The following BMPR2 variants were observed in gnomAD, a reference collection of about 807,000 sequenced individuals.
BMPR2 encodes the protein bone morphogenetic protein receptor type 2.
A neutral mutation model predicts 100.8 loss-of-function variants in BMPR2; 29 were observed. The observed-to-expected ratio is 0.29, with a 90% CI of 0.21 to 0.39. The LOEUF (loss-of-function observed/expected upper bound fraction) is 0.39, where lower values mean the gene tolerates loss of function less well. Among genes scored for constraint, BMPR2 ranks in the 10% least tolerant of loss-of-function variants. The probability of loss-of-function intolerance (pLI) is 1.00; values close to 1 mark genes in which losing one functional copy is unlikely to be tolerated. For missense variants in BMPR2, 1,011 were observed against 1,274.5 expected, an observed-to-expected ratio of 0.79 and a Z score of 3.15; for synonymous variants, 382 against 442.3, an observed-to-expected ratio of 0.86 and a Z score of 1.71.
intron 1 of BMPR2, among the ~76,000 whole-genome samples, chr2:202,457,647 C>T (rs1405021382): frequency 2.0e-5 from 3 of 150,754 alleles, no homozygotes; most frequent in Non-Finnish European, 4.4e-5. Flanking sequence ...TTTTCTGTGT[C>T]ATACTTTCAT....
intron 9 of BMPR2, among the ~76,000 whole-genome samples, chr2:202,534,056 A>G (rs906924098): frequency 6.6e-6 from 1 of 152,022 alleles, no homozygotes; most frequent in Non-Finnish European, 1.5e-5. Context: ...AGGAACTAGC[A>G]TTGGACAAAT....
chr2:202,402,830 A>AT lies in BMPR2; in HGVS notation c.76+25295dup, dbSNP rs752558128. ...AGGTGCATGCCACCCTGTGTTGCTA[A>AT]TTTTTTTTTTTTTTTGAGATGGAGT... On this transcript the variant is annotated intron_variant, in intron 1 of 12. Transcript: ENST00000374580. Among the ~76,000 whole-genome samples the AT allele has an allele frequency of 9.1e-3, 1,268 of 138,808 alleles. 17 individuals are homozygous for AT. The highest frequency in any genetic ancestry group is 0.027 in the African/African-American group (1,034 of 37,894). The allele number at this position is 138,808 out of a possible 152,430, so 91.1% of individuals were successfully genotyped here.
rs771581794 is a variant in BMPR2, at chr2:202,556,152, A to G, written c.2487A>G (p.Thr829=). ...CCACAACCCAATATGCCAATGGGAC[A>G]GTACTATCTGGCCAAACAACCAACA... ...HAATTQYANG[T]VLSGQTTNIV... is the part of the protein sequence containing the mutation. The change falls in exon 12 of 13, where the codon ACA becomes ACG. Residue 829 remains threonine (T), a synonymous_variant. Transcript: ENST00000374580. 1.2e-6 allele frequency: 2 copies of G among 1,612,174 alleles called. No individual in the cohort carries two copies. The highest frequency in any genetic ancestry group is 1.3e-5 in the African/African-American group (1 of 74,886).
Position 202,542,399 on chromosome 2 carries a change from G to C in BMPR2, c.1365G>C (p.Arg455Ser). 1 of 1,613,966 alleles carries C rather than the reference G, an allele frequency of 6.2e-7. No homozygotes were observed. Among genetic ancestry groups the C allele is most frequent in the Non-Finnish European group, 8.5e-7 (1 of 1,180,002 alleles). Residue 455 changes from arginine to serine, a missense_variant, in exon 10 of 13, where the codon AGG becomes AGC. Coordinates refer to ENST00000374580, the MANE Select transcript of BMPR2 (RefSeq NM_001204.7). Reference sequence around the variant, plus strand: ...AGGATATGCAGGTTCTCGTGTCTAGGGAAAAACAGAGACCCAAGTTCCCAG... The same window carrying C: ...AGGATATGCAGGTTCTCGTGTCTAGCGAAAAACAGAGACCCAAGTTCCCAG... ...TFEDMQVLVS[R>S]EKQRPKFPEA...
chr2:202,520,458 A>G, intron 7 of BMPR2: 1 of 511,746 alleles, frequency 2.0e-6, no homozygotes, highest in South Asian at 2.2e-5. Flanking sequence ...GGAGGCTATC[A>G]TGACCCAGCA....
intron 1 of BMPR2, among the ~76,000 whole-genome samples, chr2:202,449,573 T>G (rs866729748): frequency 1.4e-4 from 22 of 152,310 alleles, no homozygotes; most frequent in Middle Eastern, 3.4e-3. Context: ...CTAGGCTAAG[T>G]ATGCCTCTGT....
At position 202,565,907 on chromosome 2, in the gene BMPR2, T is replaced by G. The variant is rs1397580214; in HGVS notation, c.*5961T>G. 2 of 152,188 alleles carry G rather than the reference T, an allele frequency of 1.3e-5. No homozygotes were observed. Among genetic ancestry groups the G allele is most frequent in the Non-Finnish European group, 2.9e-5 (2 of 67,996 alleles). 9.4% of individuals were successfully genotyped at this position (152,188 alleles called of 1,614,324 possible). ...TTTGAAAGTACTTCAGAAGAATTTA[T>G]GCTGTATATTAAAACTAGGCTCAAA... On this transcript the variant is annotated 3_prime_UTR_variant, in exon 13 of 13. Coordinates refer to ENST00000374580, the MANE Select transcript of BMPR2 (RefSeq NM_001204.7).
chr2:202,385,083 T>C (rs115966268), intron 1 of BMPR2, among the ~76,000 whole-genome samples: 1 of 152,152 alleles, frequency 6.6e-6, no homozygotes, highest in Non-Finnish European at 1.5e-5. Context: ...GTATAAATAT[T>C]TGGCCAGTAA....
chr2:202,559,667 A>T (rs45528636), intron 12 of BMPR2, 29 bp from the exon 13 acceptor site: 174 of 1,611,870 alleles, frequency 1.1e-4, no homozygotes, highest in Non-Finnish European at 1.3e-4. Context: ...TTTGTTAAAT[A>T]GCTCATTTTT....
chr2:202,507,555 A>T (rs1032111387), intron 3 of BMPR2, among the ~76,000 whole-genome samples: 1 of 151,472 alleles, frequency 6.6e-6, no homozygotes, highest in African/African-American at 2.4e-5. Flanking sequence ...ACACCCAGCT[A>T]ATTTTTTATT....
At chr2:202,442,070 G>A (rs1469161967) in intron 1 of BMPR2, among the ~76,000 whole-genome samples, 3 of 150,406 alleles carry the variant, frequency 2.0e-5, no homozygotes, top group Non-Finnish European at 4.4e-5. Context: ...ATTGAAAGTG[G>A]GATAATGGAA....
Position 202,514,931 on chromosome 2 carries a change from A to G in BMPR2, c.573A>G (p.Ala191=). ...TTCACAGTATGAACATGATGGAGGC[A>G]GCAGCATCCGAACCCTCTCTTGATC... ...QGLHSMNMME[A]AASEPSLDLD... is the part of the protein sequence containing the mutation. The change falls in exon 5 of 13, where the codon GCA becomes GCG. Residue 191 remains alanine, a synonymous_variant. Transcript: ENST00000374580. 1 of 1,614,114 alleles carries G rather than the reference A, an allele frequency of 6.2e-7. No individual in the cohort carries two copies. The highest frequency in any genetic ancestry group is 8.5e-7 in the Non-Finnish European group (1 of 1,180,000).
intron 3 of BMPR2, among the ~76,000 whole-genome samples, chr2:202,505,628 TACTC>T (rs1687505995): frequency 6.6e-6 from 1 of 152,148 alleles, no homozygotes; most frequent in Admixed American, 6.5e-5. Context: ...CCTCCTTACT[TACTC>T]TCCTCCTTTG....
At chr2:202,534,909 C>A (rs1574495873) in intron 9 of BMPR2, among the ~76,000 whole-genome samples, 1 of 148,036 alleles carries the variant, frequency 6.8e-6, no homozygotes, top group East Asian at 2.0e-4. Flanking sequence ...GGGCTGACCC[C>A]CCCACCTCCC....
At chr2:202,476,080 TAAAAAAAAAAAAA>T (rs56243938) in intron 3 of BMPR2, among the ~76,000 whole-genome samples, 1 of 95,378 alleles carries the variant, frequency 1.0e-5, no homozygotes. Context: ...GTCTCAAGGT[TAAAAAAAAAAAAA>T]AAAAAAAAAA....
chr2:202,376,538 C>A lies in BMPR2; in HGVS notation c.-937C>A, dbSNP rs1690147080. On this transcript the variant is annotated 5_prime_UTR_variant, in exon 1 of 13. Coordinates refer to ENST00000374580, the MANE Select transcript of BMPR2 (RefSeq NM_001204.7). ...GCGGCGGCGGCGGCGGCGGCGGCGG[C>A]GGCGGCGGCAGCAGCAGCGGCTTCC... 7.1e-6 allele frequency among the ~76,000 whole-genome samples: 1 copy of A among 141,230 alleles called. No homozygotes were observed. Among genetic ancestry groups the A allele is most frequent in the Non-Finnish European group, 1.5e-5 (1 of 64,946 alleles). The allele number at this position is 141,230 out of a possible 152,430, so 92.7% of individuals were successfully genotyped here.
chr2:202,501,260 C>T (rs931186972), intron 3 of BMPR2, among the ~76,000 whole-genome samples: 1 of 152,214 alleles, frequency 6.6e-6, no homozygotes, highest in Non-Finnish European at 1.5e-5. Context: ...GACATTAAAA[C>T]ATTTGAGGGG....
chr2:202,499,230 T>G (rs1003659036), intron 3 of BMPR2, among the ~76,000 whole-genome samples: 2 of 152,208 alleles, frequency 1.3e-5, no homozygotes, highest in African/African-American at 4.8e-5. Context: ...CTACAGGGTC[T>G]AGGGCAAACC....
intron 1 of BMPR2, among the ~76,000 whole-genome samples, chr2:202,455,539 T>A (rs1200290753): frequency 1.3e-5 from 2 of 152,232 alleles, no homozygotes; most frequent in South Asian, 2.1e-4. Flanking sequence ...ACAAAAGACG[T>A]TAGTCTTATT....
Sources: allele counts gnomAD v4.1 joint callset (sites outside exome capture counted in the v4.1 genomes callset), GRCh38; gene constraint gnomAD v4.1.1; transcripts MANE v1.5; gene names NCBI Gene and HGNC (gene_info 2026-07-23, HGNC 2026-07-21).